Variants in RNF150 observed in about 807,000 individuals in gnomAD.
The protein encoded by RNF150 is ring finger protein 150.
A neutral mutation model predicts 39.3 loss-of-function variants in RNF150; 24 were observed. The observed-to-expected ratio is 0.61, with a 90% CI of 0.44 to 0.86. The LOEUF (loss-of-function observed/expected upper bound fraction) is 0.86, where lower values mean the gene tolerates loss of function less well. Ranked by LOEUF, RNF150 falls within the 40% of genes least tolerant of loss-of-function variation. The probability of loss-of-function intolerance (pLI) is 0.00; values close to 1 mark genes in which losing one functional copy is unlikely to be tolerated. For missense variants in RNF150, 502 were observed against 587.8 expected (o/e 0.85, Z 1.51); for synonymous variants, 255 against 227.3 (o/e 1.12, Z -1.10).
chr4:141,051,234 C>G (rs113935783), intron 1 of RNF150, among the ~76,000 whole-genome samples: 13 of 152,072 alleles, frequency 8.5e-5, no homozygotes, highest in Non-Finnish European at 1.9e-4. Flanking sequence ...ATTTTTTCCT[C>G]CTGGGCCTCT....
chr4:141,145,580 A>C (rs995404375), intron 1 of RNF150, among the ~76,000 whole-genome samples: 1 of 152,232 alleles, frequency 6.6e-6, no homozygotes, highest in African/African-American at 2.4e-5. Flanking sequence ...TTAGCATGGA[A>C]TAAGTTCTGT....
intron 6 of RNF150, among the ~76,000 whole-genome samples, chr4:140,900,125 A>G (rs1262152348): frequency 6.6e-6 from 1 of 152,128 alleles, no homozygotes; most frequent in Non-Finnish European, 1.5e-5. Context: ...TTTTCTTCCA[A>G]ATTGTCCCCT....
intron 6 of RNF150, among the ~76,000 whole-genome samples, chr4:140,905,461 C>T (rs528463150): frequency 4.3e-4 from 66 of 152,248 alleles, no homozygotes; most frequent in Non-Finnish European, 9.1e-4. Flanking sequence ...GCCCCATTGC[C>T]AGATGTGCAA....
intron 1 of RNF150, among the ~76,000 whole-genome samples, chr4:141,186,972 C>G (rs1381363130): frequency 6.6e-6 from 1 of 152,208 alleles, no homozygotes; most frequent in African/African-American, 2.4e-5. Flanking sequence ...ATCTTTCCCA[C>G]TTTCTGATGT....
At chr4:140,916,841 C>A (rs1475283113) in intron 5 of RNF150, among the ~76,000 whole-genome samples, 1 of 152,212 alleles carries the variant, frequency 6.6e-6, no homozygotes, top group African/African-American at 2.4e-5. Context: ...AACAGCTGAT[C>A]TCTTGGCAGA....
intron 1 of RNF150, among the ~76,000 whole-genome samples, chr4:141,017,756 CT>C (rs1735334859): frequency 6.6e-6 from 1 of 152,164 alleles, no homozygotes; most frequent in African/African-American, 2.4e-5. Context: ...TGTATGTAAT[CT>C]TTTCATATTG....
At chr4:140,945,739 T>A (rs1487188360) in intron 4 of RNF150, among the ~76,000 whole-genome samples, 1 of 151,672 alleles carries the variant, frequency 6.6e-6, no homozygotes, top group Admixed American at 6.6e-5. Context: ...ATATAATTTT[T>A]AAAACAGATT....
At chr4:140,914,600 G>A (rs1172730174) in intron 5 of RNF150, among the ~76,000 whole-genome samples, 2 of 152,138 alleles carry the variant, frequency 1.3e-5, no homozygotes, top group African/African-American at 4.8e-5. Context: ...AAAGTCCCAG[G>A]TTATATGGTA....
chr4:140,939,366 A>G (rs941896754), intron 4 of RNF150, among the ~76,000 whole-genome samples: 4 of 152,252 alleles, frequency 2.6e-5, no homozygotes, highest in Non-Finnish European at 5.9e-5. Flanking sequence ...AGTAAACAGT[A>G]TAATATATTC....
intron 1 of RNF150, among the ~76,000 whole-genome samples, chr4:141,172,105 T>A (rs577296413): frequency 5.9e-5 from 9 of 152,302 alleles, no homozygotes; most frequent in African/African-American, 2.2e-4. Flanking sequence ...GCAATAGGGT[T>A]TTATTTTTCC....
chr4:141,016,981 T>C (rs1055502300), intron 1 of RNF150, among the ~76,000 whole-genome samples: 1 of 152,142 alleles, frequency 6.6e-6, no homozygotes, highest in Non-Finnish European at 1.5e-5. Flanking sequence ...AATCTCACAA[T>C]TGAAGGAAAT....
chr4:140,907,415 T>C (rs993475793), intron 6 of RNF150, among the ~76,000 whole-genome samples: 1 of 152,202 alleles, frequency 6.6e-6, no homozygotes, highest in Admixed American at 6.5e-5. Context: ...TTTTTCATTT[T>C]TTTTTTCCTG....
chr4:141,089,411 G>C lies in RNF150; in HGVS notation c.484+42914C>G, dbSNP rs79256841. Reference sequence around the variant, plus strand: ...AGGGGTCTTGGATTCCCAGCCAACTGGGGGGAGGGGGAAGAATCCTGAGCA... The same window carrying C: ...AGGGGTCTTGGATTCCCAGCCAACTCGGGGGAGGGGGAAGAATCCTGAGCA... On this transcript the variant is annotated intron_variant, in intron 1 of 6. Coordinates refer to ENST00000515673, the MANE Select transcript of RNF150 (RefSeq NM_020724.2). 2.3e-3 allele frequency among the ~76,000 whole-genome samples: 344 copies of C among 152,228 alleles called. 4 individuals carry two copies. The highest frequency in any genetic ancestry group is 0.018 in the East Asian group (91 of 5,180).
At chr4:140,892,938 T>C (rs1729809358) in intron 6 of RNF150, among the ~76,000 whole-genome samples, 1 of 152,088 alleles carries the variant, frequency 6.6e-6, no homozygotes, top group Admixed American at 6.6e-5. Flanking sequence ...TGTGGTGGTG[T>C]GTACCTGTAG....
chr4:141,146,699 A>AAT (rs1450874348), intron 1 of RNF150, among the ~76,000 whole-genome samples: 1 of 152,202 alleles, frequency 6.6e-6, no homozygotes, highest in Non-Finnish European at 1.5e-5. Flanking sequence ...AATATTAGCC[A>AAT]AACTTTGGAA....
chr4:140,967,863 G>A lies in RNF150; in HGVS notation c.495C>T (p.Asp165=), dbSNP rs982297362. 2 of 1,613,234 alleles carry A rather than the reference G, an allele frequency of 1.2e-6. No homozygotes were observed. Among genetic ancestry groups the A allele is most frequent in the Non-Finnish European group, 8.5e-7 (1 of 1,179,426 alleles). ...TITMPHAGVE[D]IVAIMIPEPK... ...GCTCAGGAATCATTATGGCCACGATGTCTTCTACACCTGTGGTAAGAGGGG... is the reference window on the plus strand; with the variant it reads ...GCTCAGGAATCATTATGGCCACGATATCTTCTACACCTGTGGTAAGAGGGG... Residue 165 remains aspartate, a synonymous_variant, in exon 2 of 7, where the codon GAC becomes GAT. Coordinates refer to ENST00000515673, the MANE Select transcript of RNF150 (RefSeq NM_020724.2).
At position 140,962,528 on chromosome 4, in the gene RNF150, C is replaced by T. The variant is rs556795562; in HGVS notation, c.735+5095G>A. Reference sequence around the variant, plus strand: ...TATATAAAAGTTTCTCACATGTAGCCCCATATGAACCAACTGAAGCATATT... The same window carrying T: ...TATATAAAAGTTTCTCACATGTAGCTCCATATGAACCAACTGAAGCATATT... On this transcript the variant is annotated intron_variant, in intron 2 of 6. Transcript: ENST00000515673. Among the ~76,000 whole-genome samples the T allele has an allele frequency of 2.6e-5, 4 of 151,760 alleles. No individual in the cohort carries two copies. The South Asian group carries it at 8.3e-4, about 31-fold the overall frequency.
intron 1 of RNF150, among the ~76,000 whole-genome samples, chr4:141,064,675 A>G (rs1737383798): frequency 6.6e-6 from 1 of 152,160 alleles, no homozygotes; most frequent in African/African-American, 2.4e-5. Flanking sequence ...CATATTAAAA[A>G]CCACAGCAAA....
chr4:141,152,000 T>C (rs1022354215), intron 1 of RNF150, among the ~76,000 whole-genome samples: 8 of 152,026 alleles, frequency 5.3e-5, no homozygotes, highest in South Asian at 2.1e-4. Context: ...AAAACTTTCA[T>C]TGACAGCCAA....
Sources: allele counts gnomAD v4.1 joint callset (sites outside exome capture counted in the v4.1 genomes callset), GRCh38; gene constraint gnomAD v4.1.1; transcripts MANE v1.5; gene names NCBI Gene and HGNC (gene_info 2026-07-23, HGNC 2026-07-21).